RASA2: variants seen among roughly 807,000 people sequenced by gnomAD.
RASA2 encodes RAS p21 protein activator 2.
A neutral mutation model predicts 118.2 loss-of-function variants in RASA2; 155 were observed. The observed-to-expected ratio is 1.31, with a 90% CI of 1.15 to 1.50. RASA2 has a LOEUF of 1.50. RASA2 is among the 40% of genes most tolerant of loss of function. The pLI is 0.00. For synonymous variants in RASA2, 353 were observed against 349.1 expected (o/e 1.01, Z -0.12); for missense variants, 1,016 against 1,009.6 (o/e 1.01, Z -0.09).
chr3:141,520,011 C>CTTTTTTTTTTTTTTTT (rs559634060), intron 3 of RASA2, among the ~76,000 whole-genome samples: 1 of 109,790 alleles, frequency 9.1e-6, no homozygotes, highest in African/African-American at 3.6e-5. Flanking sequence ...TTCTTTTTCT[C>CTTTTTTTTTTTTTTTT]TTTTTTTTTT....
At chr3:141,587,327 T>G (rs2083219669) in intron 19 of RASA2, among the ~76,000 whole-genome samples, 1 of 152,198 alleles carries the variant, frequency 6.6e-6, no homozygotes. Context: ...TACAGTGTGA[T>G]TTGAGAGCTG....
Position 141,581,163 on chromosome 3 carries a change from A to G in RASA2, c.1738A>G (p.Ile580Val), listed in dbSNP as rs975152023. 4.6e-6 allele frequency: 7 copies of G among 1,523,950 alleles called. No individual in the cohort carries two copies. The highest frequency in any genetic ancestry group is 6.1e-6 in the Non-Finnish European group (7 of 1,143,280). The allele number at this position is 1,523,950 out of a possible 1,614,324, so 94.4% of individuals were successfully genotyped here. ...AATGTTTCAAGAAGAAGGATATATT[A>G]TAGCAGTTAAAAAGGTATGATGGTT... Reference protein sequence around the residue: ...FKMFQEEGYIIAVKKFLDEIS... With the variant: ...FKMFQEEGYIVAVKKFLDEIS... The change falls in exon 17 of 24, where the codon ATA becomes GTA. Residue 580 changes from isoleucine (I) to valine (V), a missense_variant. Coordinates refer to ENST00000286364, the MANE Select transcript of RASA2 (RefSeq NM_006506.5).
At chr3:141,537,544 A>C (rs2082345007) in intron 4 of RASA2, among the ~76,000 whole-genome samples, 1 of 152,116 alleles carries the variant, frequency 6.6e-6, no homozygotes, top group Non-Finnish European at 1.5e-5. Context: ...CAAGGCGGGA[A>C]AATTACTTGA....
rs778607316 is a variant in RASA2 at position 141,577,093 on chromosome 3, G to A, written c.1577G>A (p.Arg526Gln). The A allele has an allele frequency of 1.8e-5, 29 of 1,593,062 alleles. No homozygotes were observed. The Admixed American group carries it at 2.2e-4, about 12-fold the overall frequency. ...AVVSPHTFHL[R>Q]PHHPDAQTIR... is the part of the protein sequence containing the mutation. Reference sequence around the variant, plus strand: ...GTATCACCTCATACTTTTCATTTGCGACCTCATCATCCAGTAAGTGTTCAT... The same window carrying A: ...GTATCACCTCATACTTTTCATTTGCAACCTCATCATCCAGTAAGTGTTCAT... The change falls in exon 15 of 24, where the codon CGA becomes CAA. Residue 526 changes from arginine (R) to glutamine (Q), a missense_variant. By Grantham distance (43) the Arg-to-Gln change is conservative. Coordinates refer to ENST00000286364, the MANE Select transcript of RASA2 (RefSeq NM_006506.5).
Position 141,580,083 on chromosome 3 carries a change from AAAAT to A in RASA2, c.1591-283_1591-280del, listed in dbSNP as rs1374078950. ...GAAAAAAAAAAGAAAAAAAAAAAAA[AAAAT>A]ATATATATATATATATATATATATA... On this transcript the variant is annotated intron_variant, in intron 15 of 23. Coordinates refer to ENST00000286364, the MANE Select transcript of RASA2 (RefSeq NM_006506.5). 3.0e-3 allele frequency among the ~76,000 whole-genome samples: 249 copies of A among 82,480 alleles called. 6 individuals carry two copies. Among genetic ancestry groups the A allele is most frequent in the African/African-American group, 0.011 (209 of 19,680 alleles). The allele number at this position is 82,480 out of a possible 152,430, so 54.1% of individuals were successfully genotyped here.
rs1252084826 is a variant in RASA2 at position 141,611,057 on chromosome 3, GT to G, written c.2519+992del. On this transcript the variant is annotated intron_variant, in intron 23 of 23. Coordinates refer to ENST00000286364, the MANE Select transcript of RASA2 (RefSeq NM_006506.5). The stretch of plus-strand genomic sequence containing the variant: ...GGAACTTACTCCAGCAAGGGGCACT[GT>G]GCTTATAGTACTTTACAGCTTATGT... Among the ~76,000 whole-genome samples, 4 of 152,304 alleles carry G rather than the reference GT, an allele frequency of 2.6e-5. No homozygotes were observed. In the South Asian group the frequency reaches 8.3e-4, roughly 32 times the overall value.
At chr3:141,605,219 T>C (rs530877057) in intron 19 of RASA2, among the ~76,000 whole-genome samples, 15 of 152,340 alleles carry the variant, frequency 9.8e-5, no homozygotes, top group Non-Finnish European at 2.2e-4. Flanking sequence ...GATTTCTGAC[T>C]TTATCTTGGG....
At position 141,569,185 on chromosome 3, in the gene RASA2, T is replaced by A. The variant is rs938720871; in HGVS notation, c.864-1727T>A. ...AAGAATAAGAATACAGTTAAGTTTT[T>A]TTCCTGGATGTTTTTAGATATTTTG... On this transcript the variant is annotated intron_variant, in intron 9 of 23. Coordinates refer to ENST00000286364, the MANE Select transcript of RASA2 (RefSeq NM_006506.5). 1.3e-5 allele frequency among the ~76,000 whole-genome samples: 2 copies of A among 152,184 alleles called. 1 individual carries two copies. The highest frequency in any genetic ancestry group is 4.1e-4 in the South Asian group (2 of 4,828).
intron 1 of RASA2, among the ~76,000 whole-genome samples, chr3:141,492,625 G>A (rs1451943612): frequency 6.6e-6 from 1 of 152,154 alleles, no homozygotes; most frequent in Non-Finnish European, 1.5e-5. Context: ...TTTGGATATG[G>A]TCTTTAACAT....
chr3:141,589,135 G>A (rs976658932), intron 19 of RASA2, among the ~76,000 whole-genome samples: 6 of 152,024 alleles, frequency 3.9e-5, no homozygotes, highest in African/African-American at 7.2e-5. Context: ...CAGCGCGCCC[G>A]GCCCAGATAG....
chr3:141,567,972 A>G (rs1385509554), intron 9 of RASA2, among the ~76,000 whole-genome samples: 1 of 152,198 alleles, frequency 6.6e-6, no homozygotes, highest in Non-Finnish European at 1.5e-5. Flanking sequence ...CCAAAAAGCA[A>G]ATAAATAATT....
chr3:141,513,065 G>GAAAAAAAA (rs771710205), intron 2 of RASA2, among the ~76,000 whole-genome samples: 3 of 110,626 alleles, frequency 2.7e-5, no homozygotes, highest in East Asian at 3.1e-4. Flanking sequence ...CTCCATCTCA[G>GAAAAAAAA]AAAAAAAAAA....
chr3:141,533,852 G>C (rs2082291834), intron 4 of RASA2, among the ~76,000 whole-genome samples: 1 of 152,096 alleles, frequency 6.6e-6, no homozygotes, highest in East Asian at 1.9e-4. Context: ...TCTGCAGTGG[G>C]TCAGAGAGAG....
In RASA2 at chr3:141,610,031, G is replaced by T; in HGVS notation, c.2484G>T (p.Arg828Ser). ...TGGATGAACCTCATGAAAAATATAG[G>T]AAGAAAAGATCCAGTAGTGCAAAAT... ...EKLDEPHEKY[R>S]KKRSSSAKYG... Residue 828 changes from arginine to serine, a missense_variant, in exon 23 of 24, where the codon AGG becomes AGT. Arg to Ser is a moderately radical substitution (Grantham distance 110). Around this residue, in one of 2 missense-constraint regions of RASA2, gnomAD observed 120 missense variants for 173.2 expected, o/e 0.69. Coordinates refer to ENST00000286364, the MANE Select transcript of RASA2 (RefSeq NM_006506.5). 6.2e-7 allele frequency: 1 copy of T among 1,601,586 alleles called. No individual in the cohort carries two copies. The highest frequency in any genetic ancestry group is 8.5e-7 in the Non-Finnish European group (1 of 1,174,632).
chr3:141,563,145 G>C (rs940160714), intron 9 of RASA2, among the ~76,000 whole-genome samples: 9 of 152,236 alleles, frequency 5.9e-5, no homozygotes, highest in African/African-American at 2.2e-4. Flanking sequence ...GCTTACTCTT[G>C]AGAGCATAAG....
chr3:141,488,789 A>G (rs1303918632), intron 1 of RASA2, among the ~76,000 whole-genome samples: 3 of 152,208 alleles, frequency 2.0e-5, no homozygotes, highest in Non-Finnish European at 2.9e-5. Flanking sequence ...AAATGGGCCA[A>G]AGTTTCTCCC....
At chr3:141,572,249 G>A (rs1414201158) in intron 11 of RASA2, among the ~76,000 whole-genome samples, 1 of 151,560 alleles carries the variant, frequency 6.6e-6, no homozygotes, top group Non-Finnish European at 1.5e-5. Context: ...TCGCCACCAC[G>A]CCCAGCTAAT....
chr3:141,531,804 T>C (rs959347745), intron 4 of RASA2, among the ~76,000 whole-genome samples: 2 of 151,992 alleles, frequency 1.3e-5, no homozygotes, highest in Non-Finnish European at 2.9e-5. Flanking sequence ...TATAACACTT[T>C]TGGGTTAATA....
Position 141,574,015 on chromosome 3 carries a change from A to G in RASA2, c.1431A>G (p.Val477=), listed in dbSNP as rs780337999. ...IVKSSMSCPT[V]MCDIFYSLRQ... ...AATCAAGTATGAGCTGCCCCACTGT[A>G]ATGTGTGATATCTTTTATTCTCTAA... Residue 477 remains valine, a synonymous_variant, in exon 14 of 24, where the codon GTA becomes GTG. Transcript: ENST00000286364. 8.8e-6 allele frequency: 14 copies of G among 1,592,026 alleles called. 1 individual carries two copies. The South Asian group carries it at 1.6e-4, about 18-fold the overall frequency.
Sources: gnomAD v4.1 joint callset for allele counts (sites outside exome capture counted in the v4.1 genomes callset) on GRCh38, gnomAD v4.1.1 for gene constraint, gnomAD v4.1.1 regional missense constraint, MANE v1.5 for transcripts, NCBI Gene and HGNC (gene_info 2026-07-23, HGNC 2026-07-21) for gene names.